The following SSTR3 variants were observed in gnomAD, a reference collection of about 807,000 sequenced individuals.
The protein encoded by SSTR3 is somatostatin receptor 3, also known as somatostatin receptor type 3.
For synonymous variants in SSTR3, 281 were observed against 269.2 expected (o/e 1.04, Z -0.43); for missense variants, 504 against 604.7 (o/e 0.83, Z 1.75).
intron 1 of SSTR3, among the ~76,000 whole-genome samples, chr22:37,208,469 A>C (rs1318414417): frequency 6.6e-6 from 1 of 151,872 alleles, no homozygotes; most frequent in African/African-American, 2.4e-5. Context: ...CCCCTCCCAA[A>C]GGCCCTGCCC....
Position 37,205,121 on chromosome 22 carries a change from T to C in SSTR3, c.*1426A>G, listed in dbSNP as rs1925643198. The C allele has an allele frequency of 6.6e-6, 1 of 152,354 alleles. No homozygotes were observed. Among genetic ancestry groups the C allele is most frequent in the Admixed American group, 6.5e-5 (1 of 15,282 alleles). The allele number at this position is 152,354 out of a possible 1,614,324, so 9.4% of individuals were successfully genotyped here. On this transcript the variant is annotated 3_prime_UTR_variant, in exon 2 of 2. Transcript: ENST00000610913. ...CTGTAGTCTCCAGGATGATAGAGCA[T>C]GGGGAGGGAGCTCCCCAGTCCTCCC...
At position 37,212,398 on chromosome 22, in the gene SSTR3, G is replaced by A. The variant is rs1926248169; in HGVS notation, c.-610C>T. On this transcript the variant is annotated 5_prime_UTR_variant, in exon 1 of 2. Coordinates refer to ENST00000610913, the MANE Select transcript of SSTR3 (RefSeq NM_001051.5). ...GCAGAGAGAGGCAGGAGGGAGGAAG[G>A]AGAATGAGGGGGTGGCAGGGAGAGT... 6.6e-6 allele frequency: 1 copy of A among 151,688 alleles called. No individual in the cohort carries two copies. The highest frequency in any genetic ancestry group is 1.5e-5 in the Non-Finnish European group (1 of 68,162). The allele number at this position is 151,688 out of a possible 1,614,324, so 9.4% of individuals were successfully genotyped here.
intron 1 of SSTR3, chr22:37,210,561 GTCTTT>G: frequency 1.0e-6 from 1 of 985,500 alleles, no homozygotes; most frequent in Non-Finnish European, 1.2e-6. Context: ...TTGAGGTGCC[GTCTTT>G]TCTTTAGAGC....
Position 37,212,161 on chromosome 22 carries a change from A to C in SSTR3, c.-373T>G. ...AAGAGAAGAGGGGAGCAAGGGACAC[A>C]GAAGCCAATAGAAATAGAGGGGAAA... On this transcript the variant is annotated 5_prime_UTR_variant, in exon 1 of 2. Transcript: ENST00000610913. 1 of 985,102 alleles carries C rather than the reference A, an allele frequency of 1.0e-6. No individual in the cohort carries two copies. The highest frequency in any genetic ancestry group is 1.2e-6 in the Non-Finnish European group (1 of 829,986). 61.0% of individuals were successfully genotyped at this position (985,102 alleles called of 1,614,324 possible).
chr22:37,207,947 G>C (rs553783819), intron 1 of SSTR3, 108 bp from the exon 2 acceptor site: 2 of 1,345,186 alleles, frequency 1.5e-6, no homozygotes, highest in Non-Finnish European at 1.9e-6. Context: ...TCCTCCCATC[G>C]TCTGAGAGAT....
In SSTR3 at chr22:37,212,020, A is replaced by G. The variant is rs1235941005; in HGVS notation, c.-232T>C. 20 of 985,418 alleles carry G rather than the reference A, an allele frequency of 2.0e-5. No individual in the cohort carries two copies. The highest frequency in any genetic ancestry group is 2.2e-5 in the Non-Finnish European group (18 of 830,146). 61.0% of individuals were successfully genotyped at this position (985,418 alleles called of 1,614,324 possible). Reference sequence around the variant, plus strand: ...CACGGCTGTCCACAGAGCCTCTCCCATCTGGTCTCCGGCCCTGACTTCCCA... The same window carrying G: ...CACGGCTGTCCACAGAGCCTCTCCCGTCTGGTCTCCGGCCCTGACTTCCCA... On this transcript the variant is annotated 5_prime_UTR_variant, in exon 1 of 2. An upstream start codon of the reference 5' UTR is lost. Transcript: ENST00000610913.
In SSTR3 at chr22:37,212,211, GA is replaced by G; in HGVS notation, c.-424del. The stretch of plus-strand genomic sequence containing the variant: ...AGGGGGTCGGGAGGAGGTGGAGAAA[GA>G]GAGAGAGAGAGAAAGAGGGAGGGGG... On this transcript the variant is annotated 5_prime_UTR_variant, in exon 1 of 2. An upstream open reading frame in the 5' UTR gains an earlier in-frame stop. Coordinates refer to ENST00000610913, the MANE Select transcript of SSTR3 (RefSeq NM_001051.5). 2.8e-6 allele frequency: 1 copy of G among 354,020 alleles called. No individual in the cohort carries two copies. The highest frequency in any genetic ancestry group is 3.7e-6 in the Non-Finnish European group (1 of 268,184). The allele number at this position is 354,020 out of a possible 1,614,324, so 21.9% of individuals were successfully genotyped here.
chr22:37,214,962 G>A (rs570212999), upstream of SSTR3, among the ~76,000 whole-genome samples: 3 of 152,280 alleles, frequency 2.0e-5, no homozygotes, highest in African/African-American at 4.8e-5. Context: ...AGCCTGGTTA[G>A]GCATCCCCTG....
At position 37,210,713 on chromosome 22, in the gene SSTR3, A is replaced by G. The variant is rs1926140257; in HGVS notation, c.-37+1112T>C. ...GACTGTTCAGGAGGAGACAGCACAG[A>G]GAGGGTGAGTGGCTGTCCTGAGCCG... is the stretch of plus-strand genomic sequence containing the variant. On this transcript the variant is annotated intron_variant, in intron 1 of 1. Transcript: ENST00000610913. 3.0e-6 allele frequency: 3 copies of G among 985,446 alleles called. 1 individual carries two copies. In the African/African-American group the frequency reaches 5.2e-5, roughly 17 times the overall value. 61.0% of individuals were successfully genotyped at this position (985,446 alleles called of 1,614,324 possible).
rs1472388853 is a variant in SSTR3 at position 37,211,880 on chromosome 22, G to T, written c.-92C>A. Reference sequence around the variant, plus strand: ...CCGCCAGGCTGGTTATCATTCTGCTGTCCCCTCTCCCTGCCCAGTCCCCAG... The same window carrying T: ...CCGCCAGGCTGGTTATCATTCTGCTTTCCCCTCTCCCTGCCCAGTCCCCAG... On this transcript the variant is annotated 5_prime_UTR_variant, in exon 1 of 2. Transcript: ENST00000610913. 1.2e-5 allele frequency: 12 copies of T among 985,740 alleles called. No homozygotes were observed. The highest frequency in any genetic ancestry group is 1.4e-5 in the Non-Finnish European group (12 of 830,274). The allele number at this position is 985,740 out of a possible 1,614,324, so 61.1% of individuals were successfully genotyped here. A position where few individuals can be genotyped will look rare whatever the true frequency, so the allele number is the denominator to read the frequency against.
chr22:37,214,755 A>C (rs1344602570), upstream of SSTR3, among the ~76,000 whole-genome samples: 2 of 151,752 alleles, frequency 1.3e-5, no homozygotes, highest in African/African-American at 4.8e-5. Flanking sequence ...CTCCTTGAGA[A>C]CCTCCTATGG....
intron 1 of SSTR3, among the ~76,000 whole-genome samples, chr22:37,211,482 TA>T (rs1441992112): frequency 6.6e-6 from 1 of 152,070 alleles, no homozygotes; most frequent in African/African-American, 2.4e-5. Context: ...TTGCAGAGAT[TA>T]AACGGAGGCG....
upstream of SSTR3, among the ~76,000 whole-genome samples, chr22:37,214,244 TA>T (rs1346188488): frequency 6.6e-6 from 1 of 152,178 alleles, no homozygotes; most frequent in Non-Finnish European, 1.5e-5. Flanking sequence ...TTCTCTGCAC[TA>T]AAGGCACTTC....
At chr22:37,218,713 A>G in the SSTR3 span, among the ~76,000 whole-genome samples, 1 of 151,910 alleles carries the variant, frequency 6.6e-6, no homozygotes, top group African/African-American at 2.4e-5. Flanking sequence ...CCCTGTAGCG[A>G]ATGTCTCTGG....
chr22:37,207,849 G>A lies in SSTR3; in HGVS notation c.-36-10C>T. 1 of 1,475,946 alleles carries A rather than the reference G, an allele frequency of 6.8e-7. No individual in the cohort carries two copies. The highest frequency in any genetic ancestry group is 1.4e-5 in the South Asian group (1 of 69,526). The allele number at this position is 1,475,946 out of a possible 1,614,324, so 91.4% of individuals were successfully genotyped here. A position where few individuals can be genotyped will look rare whatever the true frequency, so the allele number is the denominator to read the frequency against. ...GCAGTCAGCTATTTGCCTGGGGGAA[G>A]GAAAAACAGCTCGGTCACAGCAGAG... On this transcript the variant is annotated splice_polypyrimidine_tract_variant and intron_variant, in intron 1 of 1. Coordinates refer to ENST00000610913, the MANE Select transcript of SSTR3 (RefSeq NM_001051.5).
upstream of SSTR3, among the ~76,000 whole-genome samples, chr22:37,216,981 G>A (rs944674937): frequency 7.9e-5 from 12 of 152,044 alleles, no homozygotes; most frequent in Middle Eastern, 3.4e-3. Context: ...TTGTATTTTC[G>A]GTAGAGATGG....
At position 37,207,569 on chromosome 22, in the gene SSTR3, T is replaced by G. The variant is rs370926465; in HGVS notation, c.235A>C (p.Thr79Pro). 3.1e-6 allele frequency: 5 copies of G among 1,613,408 alleles called. No homozygotes were observed. The African/African-American group carries it at 6.7e-5, about 22-fold the overall frequency. Residue 79 changes from threonine to proline, a missense_variant, in exon 2 of 2, where the codon ACC (threonine) becomes CCC (proline). Physicochemically the swap from Thr to Pro is conservative, Grantham distance 38. Transcript: ENST00000610913. ...VLRHTASPSVTNVYILNLALA... is the reference protein window; with the variant it reads ...VLRHTASPSVPNVYILNLALA... ...GCCAGGTTGAGGATGTAGACGTTGG[T>G]GACTGAAGGGCTGGCCGTGTGCCGC...
At chr22:37,220,002 G>T in the SSTR3 span, among the ~76,000 whole-genome samples, 1 of 152,184 alleles carries the variant, frequency 6.6e-6, no homozygotes, top group South Asian at 2.1e-4. Context: ...GGATTAGGTG[G>T]CCAGGACTCA....
rs1925724211 is a variant in SSTR3, at chr22:37,206,222, C to G, written c.*325G>C. Reference sequence around the variant, plus strand: ...CAAGATTCTAGTTGATGCCCCAAGACACTCCATCCCTGGGGGGAGGCCAGT... The same window carrying G: ...CAAGATTCTAGTTGATGCCCCAAGAGACTCCATCCCTGGGGGGAGGCCAGT... On this transcript the variant is annotated 3_prime_UTR_variant, in exon 2 of 2. Coordinates refer to ENST00000610913, the MANE Select transcript of SSTR3 (RefSeq NM_001051.5). The G allele has an allele frequency of 1.0e-5, 3 of 287,928 alleles. No homozygotes were observed. Among genetic ancestry groups the G allele is most frequent in the Non-Finnish European group, 1.9e-5 (3 of 155,706 alleles). The allele number at this position is 287,928 out of a possible 1,614,324, so 17.8% of individuals were successfully genotyped here.
Sources: gnomAD v4.1 joint callset for allele counts (sites outside exome capture counted in the v4.1 genomes callset) on GRCh38, gnomAD v4.1.1 for gene constraint, MANE v1.5 for transcripts, NCBI Gene and HGNC (gene_info 2026-07-23, HGNC 2026-07-21) for gene names.